AGBL4: variants seen among roughly 807,000 people sequenced by gnomAD.
AGBL4 encodes the protein cytosolic carboxypeptidase 6.
In AGBL4, 58 loss-of-function variants were observed where a neutral mutation model predicts 66.4. The ratio of observed to expected loss-of-function variants is 0.87; its 90% CI spans 0.71 to 1.09. The LOEUF is 1.09. AGBL4 is among the 50% of genes least tolerant of loss of function. AGBL4 has a pLI of 0.00. For synonymous variants in AGBL4, 234 were observed against 222.9 expected, an observed-to-expected ratio of 1.05 and a Z score of -0.44; for missense variants, 579 against 631.0, an observed-to-expected ratio of 0.92 and a Z score of 0.88.
intron 6 of AGBL4, among the ~76,000 whole-genome samples, chr1:48,834,821 T>C (rs1646638388): frequency 6.6e-6 from 1 of 152,186 alleles, no homozygotes; most frequent in African/African-American, 2.4e-5. Context: ...TGTTGACCTT[T>C]GTCATCATTG....
At chr1:49,947,738 A>G (rs1655350365) in intron 1 of AGBL4, among the ~76,000 whole-genome samples, 1 of 150,846 alleles carries the variant, frequency 6.6e-6, no homozygotes, top group South Asian at 2.1e-4. Flanking sequence ...AAATCGGTAA[A>G]GAGGAAGTCA....
chr1:49,915,105 A>C (rs1403869936), intron 1 of AGBL4, among the ~76,000 whole-genome samples: 5 of 152,210 alleles, frequency 3.3e-5, no homozygotes, highest in Non-Finnish European at 7.3e-5. Flanking sequence ...ATTATCGGGC[A>C]GTTCCAAGAT....
At chr1:48,656,470 C>G (rs1646022047) in intron 7 of AGBL4, among the ~76,000 whole-genome samples, 1 of 152,164 alleles carries the variant, frequency 6.6e-6, no homozygotes, top group Admixed American at 6.5e-5. Context: ...GGTCCTGCCT[C>G]AGAGGGGTGC....
intron 5 of AGBL4, among the ~76,000 whole-genome samples, chr1:48,993,676 A>C (rs1379888350): frequency 6.6e-6 from 1 of 152,164 alleles, no homozygotes; most frequent in Non-Finnish European, 1.5e-5. Context: ...ATTATGACTA[A>C]TGGAATTGAT....
rs148624104 is a variant in AGBL4 at position 48,747,364 on chromosome 1, T to C, written c.635-84123A>G. Among the ~76,000 whole-genome samples, 1,387 of 152,284 alleles carry C rather than the reference T, an allele frequency of 9.1e-3. 23 individuals carry two copies. Among genetic ancestry groups the C allele is most frequent in the African/African-American group, 0.031 (1,305 of 41,560 alleles). Reference sequence around the variant, plus strand: ...ACTCTCAGCTGGGTAAAGGAAGCTTTTAAAAAGTATGAAAGGTAGTACTTG... The same window carrying C: ...ACTCTCAGCTGGGTAAAGGAAGCTTCTAAAAAGTATGAAAGGTAGTACTTG... On this transcript the variant is annotated intron_variant, in intron 6 of 13. Transcript: ENST00000371839.
At chr1:48,947,002 G>T (rs560652449) in intron 5 of AGBL4, among the ~76,000 whole-genome samples, 126 of 152,214 alleles carry the variant, frequency 8.3e-4, no homozygotes, top group Non-Finnish European at 1.6e-3. Context: ...CAGGAATACA[G>T]TTTGTCACTG....
chr1:50,001,482 T>A (rs74081130), intron 1 of AGBL4, among the ~76,000 whole-genome samples: 2,811 of 145,394 alleles, frequency 0.019, 81 homozygotes, highest in African/African-American at 0.066. Flanking sequence ...TGTGTCTATA[T>A]ATACATATAT....
At chr1:48,692,863 C>A (rs12239092) in intron 6 of AGBL4, among the ~76,000 whole-genome samples, 9,244 of 152,242 alleles carry the variant, frequency 0.061, 909 homozygotes, top group African/African-American at 0.21. Context: ...AAGAAGCCCG[C>A]AATACCACCA....
chr1:49,071,354 C>A (rs1174095785), intron 4 of AGBL4, among the ~76,000 whole-genome samples: 1 of 151,892 alleles, frequency 6.6e-6, no homozygotes, highest in East Asian at 1.9e-4. Context: ...AATTTTAGAT[C>A]TTTCCTGCTT....
At chr1:48,654,103 C>T (rs1400500817) in intron 7 of AGBL4, among the ~76,000 whole-genome samples, 1 of 152,202 alleles carries the variant, frequency 6.6e-6, no homozygotes, top group Non-Finnish European at 1.5e-5. Context: ...CTTCCGGTCA[C>T]CAAATTTAGA....
At chr1:49,625,435 T>G (rs1295888742) in intron 3 of AGBL4, among the ~76,000 whole-genome samples, 1 of 152,174 alleles carries the variant, frequency 6.6e-6, no homozygotes, top group Non-Finnish European at 1.5e-5. Flanking sequence ...TGTCTGTTCC[T>G]CTTTCCTTGA....
At chr1:49,783,785 T>TA (rs1644389921) in intron 2 of AGBL4, among the ~76,000 whole-genome samples, 1 of 152,012 alleles carries the variant, frequency 6.6e-6, no homozygotes, top group Non-Finnish European at 1.5e-5. Flanking sequence ...GTATTTGAGC[T>TA]AAAAAATGGA....
At chr1:49,670,510 T>A (rs1317695571) in intron 3 of AGBL4, among the ~76,000 whole-genome samples, 1 of 152,120 alleles carries the variant, frequency 6.6e-6, no homozygotes, top group African/African-American at 2.4e-5. Context: ...ATCCTAGAAA[T>A]GATGAGTCAT....
At chr1:50,014,139 G>A (rs1661755580) in intron 1 of AGBL4, among the ~76,000 whole-genome samples, 1 of 152,178 alleles carries the variant, frequency 6.6e-6, no homozygotes, top group Non-Finnish European at 1.5e-5. Flanking sequence ...TTGGGAGGCT[G>A]AGGCAGGCAG....
At chr1:49,765,318 A>T (rs1327167424) in intron 2 of AGBL4, among the ~76,000 whole-genome samples, 1 of 151,858 alleles carries the variant, frequency 6.6e-6, no homozygotes, top group Non-Finnish European at 1.5e-5. Flanking sequence ...TCAATACAAA[A>T]CCTGCCAACA....
intron 4 of AGBL4, among the ~76,000 whole-genome samples, chr1:49,121,875 C>T (rs1645661530): frequency 1.3e-5 from 2 of 152,250 alleles, no homozygotes; most frequent in Admixed American, 1.3e-4. Context: ...CCATTTCGAG[C>T]TTCCCAGCTG....
chr1:48,820,490 C>T (rs1431434208), intron 6 of AGBL4, among the ~76,000 whole-genome samples: 1 of 151,976 alleles, frequency 6.6e-6, no homozygotes, highest in Non-Finnish European at 1.5e-5. Context: ...GATTGCCCTC[C>T]GTAATGTGGG....
chr1:49,960,948 C>G (rs1309788612), intron 1 of AGBL4, among the ~76,000 whole-genome samples: 1 of 151,940 alleles, frequency 6.6e-6, no homozygotes, highest in South Asian at 2.1e-4. Flanking sequence ...GTGAGCCACA[C>G]TCAGTATTTA....
intron 3 of AGBL4, among the ~76,000 whole-genome samples, chr1:49,490,861 T>G (rs1570852853): frequency 6.7e-6 from 1 of 149,138 alleles, no homozygotes; most frequent in East Asian, 1.9e-4. Flanking sequence ...AAAACTCAAT[T>G]AAAGAAAATA....
Sources: allele counts gnomAD v4.1 joint callset (sites outside exome capture counted in the v4.1 genomes callset), GRCh38; gene constraint gnomAD v4.1.1; transcripts MANE v1.5; gene names NCBI Gene and HGNC (gene_info 2026-07-23, HGNC 2026-07-21).